Variants in CYYR1 observed in about 807,000 individuals in gnomAD.
CYYR1 encodes cysteine and tyrosine rich 1.
In CYYR1, 14 loss-of-function variants were observed where a neutral mutation model predicts 15.2. That is an observed-to-expected ratio of 0.92 (90% CI 0.61 to 1.44). The LOEUF (loss-of-function observed/expected upper bound fraction) is 1.44, where lower values mean the gene tolerates loss of function less well. CYYR1 is among the 40% of genes most tolerant of loss of function. The pLI is 0.00. For missense variants in CYYR1, 228 were observed against 209.5 expected, an observed-to-expected ratio of 1.09 and a Z score of -0.54; for synonymous variants, 80 against 77.4, an observed-to-expected ratio of 1.03 and a Z score of -0.18.
chr21:26,541,222 A>T (rs945281548), intron 2 of CYYR1, among the ~76,000 whole-genome samples: 25 of 152,164 alleles, frequency 1.6e-4, no homozygotes, highest in Admixed American at 2.6e-4. Flanking sequence ...ATCTGAAGAA[A>T]GAATGTTTAA....
intron 2 of CYYR1, among the ~76,000 whole-genome samples, chr21:26,556,146 A>C (rs1416132308): frequency 6.6e-6 from 1 of 152,182 alleles, no homozygotes; most frequent in African/African-American, 2.4e-5. Flanking sequence ...ATGACACCTA[A>C]TCTGTATTCC....
At chr21:26,518,033 CA>C (rs2065755759) in intron 2 of CYYR1, among the ~76,000 whole-genome samples, 1 of 152,178 alleles carries the variant, frequency 6.6e-6, no homozygotes, top group Non-Finnish European at 1.5e-5. Flanking sequence ...TCTCAGCACT[CA>C]CACTGATTGA....
chr21:26,516,976 G>T (rs200482753), intron 2 of CYYR1, among the ~76,000 whole-genome samples: 3 of 149,398 alleles, frequency 2.0e-5, no homozygotes, highest in African/African-American at 5.0e-5. Flanking sequence ...TTAGCCGGGC[G>T]TGGTAGCGGG....
intron 2 of CYYR1, among the ~76,000 whole-genome samples, chr21:26,507,469 C>A (rs905342840): frequency 6.6e-6 from 1 of 152,152 alleles, no homozygotes; most frequent in African/African-American, 2.4e-5. Context: ...TCTATCTTTA[C>A]ACAAATTTAA....
chr21:26,554,455 A>G (rs543880158), intron 2 of CYYR1, among the ~76,000 whole-genome samples: 2 of 152,140 alleles, frequency 1.3e-5, no homozygotes, highest in Non-Finnish European at 2.9e-5. Context: ...AGACTTGTGT[A>G]TCTAATGTAC....
At position 26,520,113 on chromosome 21, in the gene CYYR1, GATATATATATAT is replaced by G. The variant is rs71183558; in HGVS notation, c.177-39696_177-39685del. 8.2e-3 allele frequency among the ~76,000 whole-genome samples: 989 copies of G among 120,608 alleles called. 21 individuals are homozygous for G. The highest frequency in any genetic ancestry group is 0.031 in the African/African-American group (912 of 29,524). 79.1% of individuals were successfully genotyped at this position (120,608 alleles called of 152,430 possible). A position where few individuals can be genotyped will look rare whatever the true frequency, so the allele number is the denominator to read the frequency against. The stretch of plus-strand genomic sequence containing the variant: ...TCTTCTTCTAAAAAAAAACCCAGGA[GATATATATATAT>G]ATATATATATATATATGCAGAAAGT... On this transcript the variant is annotated intron_variant, in intron 2 of 3. Coordinates refer to ENST00000652641, the MANE Select transcript of CYYR1 (RefSeq NM_001320768.2).
rs181779054 is a variant in CYYR1 at position 26,476,838 on chromosome 21, G to A, written c.334+3434C>T. Among the ~76,000 whole-genome samples the A allele has an allele frequency of 1.5e-3, 224 of 152,136 alleles. 3 individuals carry two copies. The highest frequency in any genetic ancestry group is 0.013 in the Admixed American group (194 of 15,264). ...ATCCCAAACCTGCTTTTAAAAAAAAGGGTTAATATGATCACTTTCCTTTGT... is the reference window on the plus strand; with the variant it reads ...ATCCCAAACCTGCTTTTAAAAAAAAAGGTTAATATGATCACTTTCCTTTGT... On this transcript the variant is annotated intron_variant, in intron 3 of 3. Coordinates refer to ENST00000652641, the MANE Select transcript of CYYR1 (RefSeq NM_001320768.2).
At chr21:26,540,324 T>TCTA (rs1978458274) in intron 2 of CYYR1, among the ~76,000 whole-genome samples, 2 of 152,202 alleles carry the variant, frequency 1.3e-5, no homozygotes, top group South Asian at 4.1e-4. Context: ...AGCGTTCCAT[T>TCTA]GATAAGGCTT....
At chr21:26,563,751 C>T (rs886079510) in intron 2 of CYYR1, among the ~76,000 whole-genome samples, 1 of 152,156 alleles carries the variant, frequency 6.6e-6, no homozygotes, top group Admixed American at 6.6e-5. Context: ...CTGATGATTT[C>T]AGCTGGTGAC....
At chr21:26,546,286 A>G (rs1312881733) in intron 2 of CYYR1, among the ~76,000 whole-genome samples, 2 of 152,222 alleles carry the variant, frequency 1.3e-5, no homozygotes, top group Non-Finnish European at 2.9e-5. Context: ...TATTTGGAAG[A>G]ACTGTGCCAC....
At chr21:26,518,843 G>C (rs1415946307) in intron 2 of CYYR1, among the ~76,000 whole-genome samples, 2 of 152,094 alleles carry the variant, frequency 1.3e-5, no homozygotes, top group African/African-American at 4.8e-5. Flanking sequence ...TCAGGATCAG[G>C]GTATCACAAT....
intron 2 of CYYR1, among the ~76,000 whole-genome samples, chr21:26,559,297 C>G (rs1275068837): frequency 6.6e-6 from 1 of 152,148 alleles, no homozygotes; most frequent in Non-Finnish European, 1.5e-5. Flanking sequence ...GCCCATTATC[C>G]TATTCAGGCA....
intron 2 of CYYR1, among the ~76,000 whole-genome samples, chr21:26,523,614 G>A (rs1025568913): frequency 6.6e-6 from 1 of 152,100 alleles, no homozygotes; most frequent in Admixed American, 6.5e-5. Context: ...AGCCACTCCA[G>A]TGTTCTTCCT....
At chr21:26,479,460 T>C (rs2065144392) in intron 3 of CYYR1, among the ~76,000 whole-genome samples, 1 of 152,136 alleles carries the variant, frequency 6.6e-6, no homozygotes, top group Non-Finnish European at 1.5e-5. Context: ...AAGAGTGTGT[T>C]AAATTTAGAA....
At chr21:26,561,234 T>C (rs1980173474) in intron 2 of CYYR1, among the ~76,000 whole-genome samples, 1 of 152,122 alleles carries the variant, frequency 6.6e-6, no homozygotes, top group Admixed American at 6.5e-5. Context: ...CCACAAGCTT[T>C]GATTTCTTCA....
intron 3 of CYYR1, among the ~76,000 whole-genome samples, chr21:26,479,669 T>A (rs114121602): frequency 8.0e-4 from 121 of 150,354 alleles, no homozygotes; most frequent in African/African-American, 2.9e-3. Context: ...TTTGTTGAAA[T>A]TTTTTTTTTC....
chr21:26,553,969 A>G (rs1979585415), intron 2 of CYYR1, among the ~76,000 whole-genome samples: 1 of 152,196 alleles, frequency 6.6e-6, no homozygotes, highest in African/African-American at 2.4e-5. Flanking sequence ...TCTGGCATTT[A>G]TTTGCTTCCA....
At chr21:26,571,479 G>T (rs1436672165) in intron 1 of CYYR1, among the ~76,000 whole-genome samples, 1 of 152,228 alleles carries the variant, frequency 6.6e-6, no homozygotes, top group African/African-American at 2.4e-5. Context: ...GGGCAGATGT[G>T]TAAAGCAGAA....
intron 2 of CYYR1, among the ~76,000 whole-genome samples, chr21:26,542,259 AAG>A (rs547776701): frequency 9.7e-5 from 10 of 102,854 alleles, no homozygotes; most frequent in African/African-American, 1.0e-4. Flanking sequence ...GGGAGAGAGA[AAG>A]AGAGAGAGAG....
Sources: gnomAD v4.1 joint callset for allele counts (sites outside exome capture counted in the v4.1 genomes callset) on GRCh38, gnomAD v4.1.1 for gene constraint, MANE v1.5 for transcripts, NCBI Gene and HGNC (gene_info 2026-07-23, HGNC 2026-07-21) for gene names.